Variants in EPB41L2 observed in about 807,000 individuals in gnomAD.
The protein encoded by EPB41L2 is band 4.1-like protein 2.
A neutral mutation model predicts 113.0 loss-of-function variants in EPB41L2; 43 were observed. The ratio of observed to expected loss-of-function variants is 0.38; its 90% CI spans 0.30 to 0.49. EPB41L2 has a LOEUF of 0.49. Ranked by LOEUF, EPB41L2 falls within the 20% of genes least tolerant of loss-of-function variation. EPB41L2 has a pLI of 0.95. For synonymous variants in EPB41L2, 442 were observed against 436.7 expected, an observed-to-expected ratio of 1.01 and a Z score of -0.15; for missense variants, 1,147 against 1,223.4, an observed-to-expected ratio of 0.94 and a Z score of 0.93.
chr6:131,041,285 A>C (rs1416869779), intron 1 of EPB41L2, among the ~76,000 whole-genome samples: 1 of 152,178 alleles, frequency 6.6e-6, no homozygotes, highest in Admixed American at 6.5e-5. Flanking sequence ...TCAGGAAAAA[A>C]CATATGGGAA....
intron 1 of EPB41L2, among the ~76,000 whole-genome samples, chr6:130,971,364 C>G (rs1336983866): frequency 6.6e-6 from 1 of 152,122 alleles, no homozygotes; most frequent in Non-Finnish European, 1.5e-5. Flanking sequence ...CGATTTTTTT[C>G]CTTTTCCTTA....
chr6:130,947,459 G>A (rs757274862), intron 3 of EPB41L2, among the ~76,000 whole-genome samples: 1 of 152,192 alleles, frequency 6.6e-6, no homozygotes, highest in African/African-American at 2.4e-5. Context: ...TATTTGCTGA[G>A]AGTAAACAGA....
intron 1 of EPB41L2, among the ~76,000 whole-genome samples, chr6:131,006,120 G>A (rs552234563): frequency 1.2e-4 from 18 of 151,944 alleles, no homozygotes; most frequent in South Asian, 8.3e-4. Context: ...GCACTGGCTC[G>A]ATCTCGGCTC....
intron 1 of EPB41L2, among the ~76,000 whole-genome samples, chr6:130,958,433 C>A (rs1335491067): frequency 1.0e-5 from 1 of 98,902 alleles, no homozygotes; most frequent in Non-Finnish European, 2.0e-5. Context: ...GTCTAGGCGA[C>A]AAAACAAGAC....
intron 13 of EPB41L2, 24 bp from the exon 14 acceptor site, chr6:130,878,274 G>A: frequency 6.3e-7 from 1 of 1,575,184 alleles, no homozygotes; most frequent in Non-Finnish European, 8.6e-7. Flanking sequence ...ACGTAACAAA[G>A]GGGGGAAAAA....
chr6:131,032,843 A>C (rs1792475870), intron 1 of EPB41L2, among the ~76,000 whole-genome samples: 1 of 152,184 alleles, frequency 6.6e-6, no homozygotes, highest in African/African-American at 2.4e-5. Context: ...TCAAAGACTA[A>C]CAATAACAAA....
chr6:130,851,917 C>T (rs570023680), intron 19 of EPB41L2, among the ~76,000 whole-genome samples: 110 of 152,280 alleles, frequency 7.2e-4, no homozygotes, highest in Non-Finnish European at 1.4e-3. Context: ...CTGGATAACA[C>T]AGCTCAAAAC....
intron 14 of EPB41L2, among the ~76,000 whole-genome samples, chr6:130,873,717 C>T (rs1042791615): frequency 3.9e-5 from 6 of 152,156 alleles, no homozygotes; most frequent in Admixed American, 1.3e-4. Context: ...CTATCCTCCT[C>T]GGCCTCCCAA....
At chr6:130,855,449 G>A (rs1433852117) in intron 19 of EPB41L2, among the ~76,000 whole-genome samples, 1 of 152,144 alleles carries the variant, frequency 6.6e-6, no homozygotes, top group South Asian at 2.1e-4. Context: ...CAGGCCACTG[G>A]ATGTTTTATT....
chr6:130,910,128 A>C (rs1798906096), intron 4 of EPB41L2, among the ~76,000 whole-genome samples: 1 of 152,224 alleles, frequency 6.6e-6, no homozygotes. Flanking sequence ...ACTTCAAACT[A>C]CATTACAAGG....
intron 4 of EPB41L2, among the ~76,000 whole-genome samples, chr6:130,921,642 A>T (rs566291797): frequency 5.1e-4 from 77 of 152,322 alleles, no homozygotes; most frequent in African/African-American, 1.8e-3. Flanking sequence ...AATTCTCAAT[A>T]GCTATAATAG....
At chr6:130,854,117 A>G (rs1022805380) in intron 19 of EPB41L2, among the ~76,000 whole-genome samples, 1 of 152,222 alleles carries the variant, frequency 6.6e-6, no homozygotes, top group African/African-American at 2.4e-5. Flanking sequence ...GGTTAAATTT[A>G]TGATAGTTCA....
chr6:131,048,138 C>CAAAAAAAAAAAAAA (rs200522047), intron 1 of EPB41L2, among the ~76,000 whole-genome samples: 2 of 52,990 alleles, frequency 3.8e-5, no homozygotes, highest in East Asian at 3.3e-4. Context: ...GACTCTGTCT[C>CAAAAAAAAAAAAAA]AAAAAAAAAA....
intron 3 of EPB41L2, among the ~76,000 whole-genome samples, chr6:130,941,453 A>C (rs369578577): frequency 6.6e-6 from 1 of 152,254 alleles, no homozygotes; most frequent in Non-Finnish European, 1.5e-5. Flanking sequence ...GCTAAGCACC[A>C]TATTTCCATG....
At chr6:130,986,667 C>T (rs1780628294) in intron 1 of EPB41L2, among the ~76,000 whole-genome samples, 1 of 151,520 alleles carries the variant, frequency 6.6e-6, no homozygotes, top group South Asian at 2.1e-4. Flanking sequence ...CTCACTGCAA[C>T]CTCCACCTCC....
At chr6:130,868,839 A>G (rs1055684940) in intron 15 of EPB41L2, 5 of 152,414 alleles carry the variant, frequency 3.3e-5, no homozygotes, top group African/African-American at 1.2e-4. Context: ...GATAATCCAC[A>G]AAACATATAA....
At chr6:130,977,723 T>C (rs2128668957) in intron 1 of EPB41L2, among the ~76,000 whole-genome samples, 1 of 152,336 alleles carries the variant, frequency 6.6e-6, no homozygotes, top group African/African-American at 2.4e-5. Context: ...TCAAACGTCC[T>C]CAAACAGCTT....
chr6:131,026,044 T>C (rs1285938638), intron 1 of EPB41L2, among the ~76,000 whole-genome samples: 1 of 152,210 alleles, frequency 6.6e-6, no homozygotes, highest in Non-Finnish European at 1.5e-5. Flanking sequence ...AGACTTTTTA[T>C]ACATTTGTAA....
intron 1 of EPB41L2, among the ~76,000 whole-genome samples, chr6:130,960,379 C>A (rs1408906592): frequency 6.6e-6 from 1 of 152,022 alleles, no homozygotes; most frequent in East Asian, 1.9e-4. Context: ...AAAGAAAATC[C>A]CATTTGTACG....
Sources: gnomAD v4.1 joint callset for allele counts (sites outside exome capture counted in the v4.1 genomes callset) on GRCh38, gnomAD v4.1.1 for gene constraint, MANE v1.5 for transcripts, NCBI Gene and HGNC (gene_info 2026-07-23, HGNC 2026-07-21) for gene names.